FGF14: variants seen among roughly 807,000 people sequenced by gnomAD.
FGF14 encodes fibroblast growth factor homologous factor 4.
FGF14 carries 5 observed loss-of-function variants against 25.5 expected under a neutral mutation model. That is an observed-to-expected ratio of 0.20 (90% CI 0.10 to 0.41). The LOEUF (loss-of-function observed/expected upper bound fraction) is 0.41, where lower values mean the gene tolerates loss of function less well. FGF14 is among the 10% of genes least tolerant of loss of function. The probability of loss-of-function intolerance (pLI) is 1.00; values close to 1 mark genes in which losing one functional copy is unlikely to be tolerated. For missense variants in FGF14, 222 were observed against 320.1 expected, an observed-to-expected ratio of 0.69 and a Z score of 2.34; for synonymous variants, 138 against 118.3, an observed-to-expected ratio of 1.17 and a Z score of -1.08.
At chr13:102,019,937 G>A (rs965811980) in intron 1 of FGF14, among the ~76,000 whole-genome samples, 5 of 151,958 alleles carry the variant, frequency 3.3e-5, no homozygotes, top group African/African-American at 7.2e-5. Flanking sequence ...AGCTCAAAAC[G>A]AAAAAGTAAT....
intron 1 of FGF14, among the ~76,000 whole-genome samples, chr13:101,908,249 C>A (rs1385035957): frequency 1.3e-5 from 2 of 152,174 alleles, no homozygotes; most frequent in African/African-American, 4.8e-5. Context: ...CTTGTAAGTG[C>A]AGGCAAATAG....
At chr13:102,025,418 C>CT (rs1323502211) in intron 1 of FGF14, among the ~76,000 whole-genome samples, 1 of 151,804 alleles carries the variant, frequency 6.6e-6, no homozygotes, top group African/African-American at 2.4e-5. Context: ...AAGTATTGTA[C>CT]TTTTTTTCTT....
chr13:102,305,179 T>G (rs1236693400), intron 1 of FGF14, among the ~76,000 whole-genome samples: 3 of 151,882 alleles, frequency 2.0e-5, no homozygotes, highest in Non-Finnish European at 4.4e-5. Flanking sequence ...AAGCTTAGAG[T>G]TTTTATTATG....
At position 101,909,157 on chromosome 13, in the gene FGF14, A is replaced by G. The variant is rs553066908; in HGVS notation, c.193+7296T>C. Among the ~76,000 whole-genome samples the G allele has an allele frequency of 2.6e-5, 4 of 152,316 alleles. No homozygotes were observed. In the South Asian group the frequency reaches 6.2e-4, roughly 24 times the overall value. The stretch of plus-strand genomic sequence containing the variant: ...AAAACCCTAGAAGTAAACCTAGGCA[A>G]TACCATTCAGGACATAGGCATGTGC... On this transcript the variant is annotated intron_variant, in intron 1 of 4. Coordinates refer to ENST00000376143, the MANE Select transcript of FGF14 (RefSeq NM_004115.4).
At chr13:101,824,514 A>G (rs1187341568) in intron 3 of FGF14, among the ~76,000 whole-genome samples, 2 of 152,180 alleles carry the variant, frequency 1.3e-5, no homozygotes, top group Non-Finnish European at 2.9e-5. Flanking sequence ...TGCCATTTTC[A>G]TCTAAGGTAA....
intron 3 of FGF14, among the ~76,000 whole-genome samples, chr13:101,786,010 T>C (rs117576665): frequency 7.2e-4 from 109 of 152,318 alleles, no homozygotes; most frequent in Non-Finnish European, 1.3e-3. Context: ...GCATGCACCC[T>C]GAGTCAGTGT....
At chr13:102,229,113 C>T (rs1311637262) in intron 1 of FGF14, among the ~76,000 whole-genome samples, 7 of 152,146 alleles carry the variant, frequency 4.6e-5, no homozygotes, top group South Asian at 2.1e-4. Context: ...TGCCCTAACA[C>T]GTAGAAGACC....
intron 3 of FGF14, among the ~76,000 whole-genome samples, chr13:101,766,109 A>C (rs1303754256): frequency 6.6e-6 from 1 of 152,224 alleles, no homozygotes; most frequent in Non-Finnish European, 1.5e-5. Context: ...AACCGGGCTT[A>C]ATAATCATTA....
intron 3 of FGF14, among the ~76,000 whole-genome samples, chr13:101,850,287 A>C (rs1461278272): frequency 0.029 from 3,470 of 120,148 alleles, 274 homozygotes; most frequent in African/African-American, 0.084. Flanking sequence ...TCCAAAAAAA[A>C]AAAAAAAAAA....
intron 1 of FGF14, among the ~76,000 whole-genome samples, chr13:102,021,635 G>A (rs73563701): frequency 0.032 from 4,810 of 151,992 alleles, 242 homozygotes; most frequent in African/African-American, 0.11. Context: ...GGTTTGCTCT[G>A]GACCAAGCAG....
intron 1 of FGF14, among the ~76,000 whole-genome samples, chr13:102,357,525 T>C (rs1251452640): frequency 6.6e-6 from 1 of 152,244 alleles, no homozygotes; most frequent in Non-Finnish European, 1.5e-5. Context: ...TAAAACAGTA[T>C]GTTCTGCAGT....
chr13:102,262,901 G>A (rs2052787295), intron 1 of FGF14: 1 of 325,128 alleles, frequency 3.1e-6, no homozygotes, highest in East Asian at 6.7e-5. Flanking sequence ...GTTCATAACA[G>A]ATTCAGAGAG....
chr13:101,763,194 TAC>T (rs10596446), intron 3 of FGF14, among the ~76,000 whole-genome samples: 62,553 of 151,874 alleles, frequency 0.41, 14,346 homozygotes, highest in Non-Finnish European at 0.51. Flanking sequence ...GACCTGTGAT[TAC>T]AGTTAGAAAC....
chr13:101,757,340 G>T (rs1385686944), intron 3 of FGF14, among the ~76,000 whole-genome samples: 2 of 152,036 alleles, frequency 1.3e-5, no homozygotes, highest in Non-Finnish European at 2.9e-5. Context: ...TCTTTTGGGA[G>T]AAAAGGGGGG....
intron 1 of FGF14, among the ~76,000 whole-genome samples, chr13:102,051,889 ATAATAAT>A (rs2140058015): frequency 6.6e-6 from 1 of 152,320 alleles, no homozygotes; most frequent in East Asian, 1.9e-4. Context: ...CCAAAAGACC[ATAATAAT>A]CTCTTAGTAG....
chr13:102,233,880 T>C (rs1235639693), intron 1 of FGF14, among the ~76,000 whole-genome samples: 2 of 152,212 alleles, frequency 1.3e-5, no homozygotes, highest in Non-Finnish European at 2.9e-5. Context: ...TGCTTCTAAT[T>C]GGTTTCTCGT....
intron 1 of FGF14, among the ~76,000 whole-genome samples, chr13:102,038,879 A>C (rs868181372): frequency 3.9e-5 from 6 of 152,244 alleles, no homozygotes; most frequent in Middle Eastern, 6.8e-3. Flanking sequence ...TCTAGGAAAA[A>C]CTTTCCTGTC....
At chr13:102,323,972 TG>T (rs2056335468) in intron 1 of FGF14, among the ~76,000 whole-genome samples, 1 of 148,438 alleles carries the variant, frequency 6.7e-6, no homozygotes, top group African/African-American at 2.6e-5. Context: ...TGTGTGTGTG[TG>T]TGTGTGTGTG....
At chr13:101,835,029 GAGAA>G (rs1306964783) in intron 3 of FGF14, among the ~76,000 whole-genome samples, 1 of 152,052 alleles carries the variant, frequency 6.6e-6, no homozygotes, top group African/African-American at 2.4e-5. Flanking sequence ...CTGGAAATAA[GAGAA>G]AGAATTTGTA....
Sources: allele counts gnomAD v4.1 joint callset (sites outside exome capture counted in the v4.1 genomes callset), GRCh38; gene constraint gnomAD v4.1.1; transcripts MANE v1.5; gene names NCBI Gene and HGNC (gene_info 2026-07-23, HGNC 2026-07-21).